MYT1L: variants seen among roughly 807,000 people sequenced by gnomAD.
MYT1L encodes the protein myelin transcription factor 1-like protein.
Under a neutral mutation model 126.7 loss-of-function variants are expected in MYT1L, and 12 were observed. The ratio of observed to expected loss-of-function variants is 0.09; its 90% CI spans 0.06 to 0.15. The LOEUF (loss-of-function observed/expected upper bound fraction) is 0.15. Among genes scored for constraint, MYT1L ranks in the 10% least tolerant of loss-of-function variants. The probability of loss-of-function intolerance (pLI) is 1.00; values close to 1 mark genes in which losing one functional copy is unlikely to be tolerated. For synonymous variants in MYT1L, 541 were observed against 604.2 expected (o/e 0.90, Z 1.53); for missense variants, 979 against 1,585.2 (o/e 0.62, Z 6.49).
At chr2:2,243,704 C>T (rs191572337) in intron 2 of MYT1L, among the ~76,000 whole-genome samples, 34 of 152,276 alleles carry the variant, frequency 2.2e-4, no homozygotes, top group South Asian at 4.2e-4. Flanking sequence ...TGGTAGCACA[C>T]GCAGGAATCC....
intron 1 of MYT1L, among the ~76,000 whole-genome samples, chr2:2,312,654 T>C (rs1488277362): frequency 6.6e-6 from 1 of 152,128 alleles, no homozygotes; most frequent in East Asian, 1.9e-4. Flanking sequence ...TCATCACTAG[T>C]AGCTTTTTTG....
Position 1,956,191 on chromosome 2 carries a change from G to GTCTGTCTATCTATCTATCTCTCTA in MYT1L, c.153-12858_153-12857insTAGAGAGATAGATAGATAGACAGA, listed in dbSNP as rs1553354694. Among the ~76,000 whole-genome samples the GTCTGTCTATCTATCTATCTCTCTA allele has an allele frequency of 1.9e-4, 27 of 145,876 alleles. 1 individual carries two copies. Among genetic ancestry groups the GTCTGTCTATCTATCTATCTCTCTA allele is most frequent in the African/African-American group, 6.7e-4 (25 of 37,296 alleles). ...TGTCTGCCTGTTCATTTACCTAGCT[G>GTCTGTCTATCTATCTATCTCTCTA]TCTATCTATCTATCTATCTATCTAT... On this transcript the variant is annotated intron_variant, in intron 8 of 24. Transcript: ENST00000647738.
At chr2:2,134,594 GAGAA>G (rs762270680) in intron 3 of MYT1L, among the ~76,000 whole-genome samples, 1 of 152,136 alleles carries the variant, frequency 6.6e-6, no homozygotes, top group African/African-American at 2.4e-5. Context: ...CTGGTAAGAA[GAGAA>G]AGAGAGACCA....
Position 1,811,098 on chromosome 2 carries a change from C to T in MYT1L, c.3081-1931G>A, listed in dbSNP as rs1289720090. 1 of 152,150 alleles carries T rather than the reference C, an allele frequency of 6.6e-6. No homozygotes were observed. The highest frequency in any genetic ancestry group is 1.5e-5 in the Non-Finnish European group (1 of 68,036). The allele number at this position is 152,150 out of a possible 1,614,324, so 9.4% of individuals were successfully genotyped here. On this transcript the variant is annotated intron_variant, in intron 21 of 24. Coordinates refer to ENST00000647738, the MANE Select transcript of MYT1L (RefSeq NM_001303052.2). The surrounding 1 kb of genome is among the most constrained non-coding windows in gnomAD (Gnocchi z 4.4). ...GAGTGAGAAGGCGTCGTCCACCAAC[C>T]AGAGAGCAGCAGTTGCCAGATGCCG...
In MYT1L at chr2:1,955,507, G is replaced by T. The variant is rs891539272; in HGVS notation, c.153-12173C>A. ...TATGCCTCTCTAGAGAGATCATTAAGCTTATTAAATATGCATTTTCTAGCA... is the reference window on the plus strand; with the variant it reads ...TATGCCTCTCTAGAGAGATCATTAATCTTATTAAATATGCATTTTCTAGCA... On this transcript the variant is annotated intron_variant, in intron 8 of 24. Transcript: ENST00000647738. Among the ~76,000 whole-genome samples, 10 of 152,088 alleles carry T rather than the reference G, an allele frequency of 6.6e-5. 1 individual carries two copies. Among genetic ancestry groups the T allele is most frequent in the African/African-American group, 2.4e-4 (10 of 41,402 alleles).
intron 2 of MYT1L, among the ~76,000 whole-genome samples, chr2:2,185,395 G>A (rs2092005028): frequency 6.6e-6 from 1 of 152,260 alleles, no homozygotes; most frequent in African/African-American, 2.4e-5. Context: ...TGTGTGGCGT[G>A]CAAACTAATA....
intron 2 of MYT1L, among the ~76,000 whole-genome samples, chr2:2,276,229 G>C (rs1014054137): frequency 6.6e-6 from 1 of 152,062 alleles, no homozygotes; most frequent in African/African-American, 2.4e-5. Context: ...CTGAAAGCTG[G>C]GTGTACACCC....
chr2:1,976,590 C>T (rs533026091), intron 8 of MYT1L, among the ~76,000 whole-genome samples: 1 of 152,114 alleles, frequency 6.6e-6, no homozygotes, highest in South Asian at 2.1e-4. Flanking sequence ...TGCAGTGAGC[C>T]AAGATTGTGC....
At chr2:2,227,347 C>T (rs1352244612) in intron 2 of MYT1L, among the ~76,000 whole-genome samples, 5 of 152,182 alleles carry the variant, frequency 3.3e-5, no homozygotes, top group Non-Finnish European at 5.9e-5. Flanking sequence ...CTTGACATCT[C>T]GACTGAGATA....
intron 2 of MYT1L, among the ~76,000 whole-genome samples, chr2:2,201,374 A>AT (rs1489965136): frequency 6.6e-6 from 1 of 151,992 alleles, no homozygotes; most frequent in Non-Finnish European, 1.5e-5. Flanking sequence ...ATAACCTTCT[A>AT]TTTTTGTCAT....
At chr2:1,866,403 G>A (rs2045471350) in intron 18 of MYT1L, among the ~76,000 whole-genome samples, 1 of 149,678 alleles carries the variant, frequency 6.7e-6, no homozygotes, top group Admixed American at 6.6e-5. Context: ...TCAGAGAGGT[G>A]GGGGAGGAGA....
At position 1,910,456 on chromosome 2, in the gene MYT1L, G is replaced by C. The variant is rs2051799145; in HGVS notation, c.1710-109C>G. ...ATGCAGGTGGAGCTGGTGAGGGAGG[G>C]GTAGTTTCCCAAACCTGGCACAGGC... On this transcript the variant is annotated intron_variant, in intron 12 of 24. Transcript: ENST00000647738. The surrounding 1 kb of genome is among the most constrained non-coding windows in gnomAD (Gnocchi z 4.8). 9.9e-7 allele frequency: 1 copy of C among 1,013,552 alleles called. No homozygotes were observed. Among genetic ancestry groups the C allele is most frequent in the Non-Finnish European group, 1.5e-6 (1 of 677,636 alleles). 62.8% of individuals were successfully genotyped at this position (1,013,552 alleles called of 1,614,324 possible). A position where few individuals can be genotyped will look rare whatever the true frequency, so the allele number is the denominator to read the frequency against.
chr2:2,235,428 C>T (rs1383049920), intron 2 of MYT1L, among the ~76,000 whole-genome samples: 1 of 151,844 alleles, frequency 6.6e-6, no homozygotes, highest in Non-Finnish European at 1.5e-5. Context: ...ACAGCTTCCC[C>T]TTAGAGGGGT....
intron 1 of MYT1L, among the ~76,000 whole-genome samples, chr2:2,287,862 C>T (rs569279722): frequency 1.7e-4 from 26 of 152,302 alleles, no homozygotes; most frequent in African/African-American, 5.5e-4. Flanking sequence ...CTATTAAGCC[C>T]GACCAACTCT....
intron 8 of MYT1L, among the ~76,000 whole-genome samples, chr2:1,948,708 G>A (rs1040440793): frequency 9.4e-6 from 1 of 105,882 alleles, no homozygotes; most frequent in Admixed American, 8.7e-5. Flanking sequence ...CAGGACCTCA[G>A]CTCACCCTGT....
Position 2,026,279 on chromosome 2 carries a change from T to C in MYT1L, c.-158+27699A>G, listed in dbSNP as rs559019915. On this transcript the variant is annotated intron_variant, in intron 4 of 24. Transcript: ENST00000647738. ...GACAAGGGTGTGCGGGGGACGTGGG[T>C]GAGAGGTTTGCTGGGGCCGGCCCAT... is the stretch of plus-strand genomic sequence containing the variant. Among the ~76,000 whole-genome samples the C allele has an allele frequency of 7.9e-5, 12 of 151,754 alleles. No individual in the cohort carries two copies. The East Asian group carries it at 2.3e-3, about 30-fold the overall frequency.
chr2:2,270,073 G>A (rs551721755), intron 2 of MYT1L, among the ~76,000 whole-genome samples: 29 of 152,320 alleles, frequency 1.9e-4, no homozygotes, highest in Non-Finnish European at 3.2e-4. Context: ...AGAGCGTGGC[G>A]TCTTCATGAA....
At chr2:2,281,866 T>C (rs1425112211) in intron 2 of MYT1L, among the ~76,000 whole-genome samples, 1 of 152,126 alleles carries the variant, frequency 6.6e-6, no homozygotes, top group East Asian at 1.9e-4. Context: ...CCTTGTTGAG[T>C]TGTAAGCTAT....
intron 3 of MYT1L, among the ~76,000 whole-genome samples, chr2:2,164,827 T>C (rs537785308): frequency 1.3e-5 from 2 of 152,330 alleles, no homozygotes; most frequent in South Asian, 2.1e-4. Context: ...TAGGACTGCA[T>C]TCCATGTACA....
Sources: allele counts gnomAD v4.1 joint callset (sites outside exome capture counted in the v4.1 genomes callset), GRCh38; gene constraint gnomAD v4.1.1; non-coding constraint Gnocchi (gnomAD v3.1); transcripts MANE v1.5; gene names NCBI Gene and HGNC (gene_info 2026-07-23, HGNC 2026-07-21).